Variants in STK24 observed in about 807,000 individuals in gnomAD.
STK24 encodes serine/threonine kinase 24.
In STK24, 21 loss-of-function variants were observed where a neutral mutation model predicts 55.6. The observed-to-expected ratio is 0.38, with a 90% CI of 0.27 to 0.54. The LOEUF (loss-of-function observed/expected upper bound fraction) is 0.54. Among genes scored for constraint, STK24 ranks in the 20% least tolerant of loss-of-function variants. The pLI is 0.79. For synonymous variants in STK24, 200 were observed against 215.2 expected, an observed-to-expected ratio of 0.93 and a Z score of 0.62; for missense variants, 383 against 538.4, an observed-to-expected ratio of 0.71 and a Z score of 2.86.
intron 1 of STK24, among the ~76,000 whole-genome samples, 158 bp from the exon 2 acceptor site, chr13:98,519,631 G>A (rs192413002): frequency 1.3e-5 from 2 of 152,152 alleles, no homozygotes; most frequent in Non-Finnish European, 2.9e-5. Flanking sequence ...CAGCTCTGCA[G>A]GTTCAGGACA....
At chr13:98,500,099 CAGAG>C (rs1895394287) in intron 2 of STK24, among the ~76,000 whole-genome samples, 1 of 152,228 alleles carries the variant, frequency 6.6e-6, no homozygotes, top group Admixed American at 6.5e-5. Flanking sequence ...CTGCATCACT[CAGAG>C]AGCTATTTAC....
In STK24 at chr13:98,448,205, A is replaced by G. The variant is rs116653715; in HGVS notation, c.*4968T>C. 2.9e-3 allele frequency: 4,579 copies of G among 1,594,828 alleles called. 108 individuals carry two copies. In the African/African-American group the frequency reaches 0.052, roughly 18 times the overall value. On this transcript the variant is annotated 3_prime_UTR_variant, in exon 11 of 11. Coordinates refer to ENST00000539966, the MANE Select transcript of STK24 (RefSeq NM_001032296.4). ...AGTGTCAGGAGTCCGTCCAAACAAA[A>G]GGTTGACTAACTGGCGTTCCCGTGT...
At chr13:98,468,024 C>T (rs1417463188) in intron 5 of STK24, among the ~76,000 whole-genome samples, 1 of 152,200 alleles carries the variant, frequency 6.6e-6, no homozygotes, top group Non-Finnish European at 1.5e-5. Context: ...GAATCGAATA[C>T]ATCTCTCACA....
chr13:98,485,124 G>A (rs1894756269), intron 2 of STK24, among the ~76,000 whole-genome samples: 1 of 152,224 alleles, frequency 6.6e-6, no homozygotes, highest in Admixed American at 6.5e-5. Context: ...ACCGCCCAGT[G>A]GGTTCACCTT....
chr13:98,553,998 G>C (rs1194273101), intron 1 of STK24, among the ~76,000 whole-genome samples: 1 of 151,398 alleles, frequency 6.6e-6, no homozygotes, highest in Non-Finnish European at 1.5e-5. Context: ...GGAGGTGGAG[G>C]CTGCAGTGAG....
At position 98,446,828 on chromosome 13, in the gene STK24, C is replaced by G; in HGVS notation, c.*6345G>C. 6.2e-7 allele frequency: 1 copy of G among 1,613,812 alleles called. No homozygotes were observed. The highest frequency in any genetic ancestry group is 1.7e-5 in the Admixed American group (1 of 59,998). On this transcript the variant is annotated 3_prime_UTR_variant, in exon 11 of 11. Coordinates refer to ENST00000539966, the MANE Select transcript of STK24 (RefSeq NM_001032296.4). Reference sequence around the variant, plus strand: ...GTACACGTTCGAAAGGTAGACACCCCCTTCCCACGCACAGGGCCCTGCAGA... The same window carrying G: ...GTACACGTTCGAAAGGTAGACACCCGCTTCCCACGCACAGGGCCCTGCAGA...
At chr13:98,469,545 A>T (rs9517316) in intron 5 of STK24, among the ~76,000 whole-genome samples, 6 of 116,222 alleles carry the variant, frequency 5.2e-5, no homozygotes, top group Non-Finnish European at 1.1e-4. Context: ...CCCCCCCCCC[A>T]AAAAAAAAAG....
chr13:98,448,081 CCTGGGT>C lies in STK24; in HGVS notation c.*5086_*5091del, dbSNP rs1892968320. The C allele has an allele frequency of 1.5e-6, 1 of 668,092 alleles. No homozygotes were observed. Among genetic ancestry groups the C allele is most frequent in the Admixed American group, 2.2e-5 (1 of 44,604 alleles). 41.4% of individuals were successfully genotyped at this position (668,092 alleles called of 1,614,324 possible). A position where few individuals can be genotyped will look rare whatever the true frequency, so the allele number is the denominator to read the frequency against. On this transcript the variant is annotated 3_prime_UTR_variant, in exon 11 of 11. Coordinates refer to ENST00000539966, the MANE Select transcript of STK24 (RefSeq NM_001032296.4). ...GGGTCTCCACTGTACCTCAGGAACG[CCTGGGT>C]GCTGGCTGTTCCCTTGCTCTTCTGC... is the stretch of plus-strand genomic sequence containing the variant.
chr13:98,448,381 T>C lies in STK24; in HGVS notation c.*4792A>G. ...GGAAGACGTTTCCTTTCTTCTGTATTAATGAAGCCTGGTAAAATTAACACC... is the reference window on the plus strand; with the variant it reads ...GGAAGACGTTTCCTTTCTTCTGTATCAATGAAGCCTGGTAAAATTAACACC... On this transcript the variant is annotated 3_prime_UTR_variant, in exon 11 of 11. Transcript: ENST00000539966. 2 of 1,258,910 alleles carry C rather than the reference T, an allele frequency of 1.6e-6. No individual in the cohort carries two copies. Among genetic ancestry groups the C allele is most frequent in the Non-Finnish European group, 2.3e-6 (2 of 858,504 alleles). The allele number at this position is 1,258,910 out of a possible 1,614,324, so 78.0% of individuals were successfully genotyped here.
intron 1 of STK24, among the ~76,000 whole-genome samples, chr13:98,556,561 A>G (rs1427419083): frequency 3.3e-5 from 5 of 152,234 alleles, no homozygotes; most frequent in African/African-American, 4.8e-5. Context: ...CACAATGAGT[A>G]TGTGCCCCAA....
chr13:98,564,743 T>C (rs1366337922), intron 1 of STK24, among the ~76,000 whole-genome samples: 2 of 152,104 alleles, frequency 1.3e-5, no homozygotes, highest in African/African-American at 2.4e-5. Flanking sequence ...GCACTCCTTA[T>C]GAAATAAGGT....
At chr13:98,539,327 T>C (rs1298830092) in intron 1 of STK24, among the ~76,000 whole-genome samples, 2 of 152,204 alleles carry the variant, frequency 1.3e-5, no homozygotes, top group African/African-American at 4.8e-5. Context: ...AGTACATCTA[T>C]TGGCACCATA....
intron 1 of STK24, among the ~76,000 whole-genome samples, chr13:98,560,829 C>T (rs777107275): frequency 2.0e-5 from 3 of 151,126 alleles, no homozygotes; most frequent in South Asian, 4.2e-4. Flanking sequence ...TGCAGTGAGC[C>T]GAGATCACGC....
chr13:98,447,996 G>A lies in STK24; in HGVS notation c.*5177C>T, dbSNP rs975886499. On this transcript the variant is annotated 3_prime_UTR_variant, in exon 11 of 11. Transcript: ENST00000539966. ...TCGCTCCTAACTGCTCCAATGGAGC[G>A]GGCAGTGTCACTGCAGCAAGGTACT... The A allele has an allele frequency of 8.7e-5, 49 of 562,146 alleles. No homozygotes were observed. The highest frequency in any genetic ancestry group is 4.7e-4 in the Middle Eastern group (1 of 2,118). The allele number at this position is 562,146 out of a possible 1,614,324, so 34.8% of individuals were successfully genotyped here. A position where few individuals can be genotyped will look rare whatever the true frequency, so the allele number is the denominator to read the frequency against.
chr13:98,567,619 T>C (rs866196798), intron 1 of STK24, among the ~76,000 whole-genome samples: 3 of 152,182 alleles, frequency 2.0e-5, no homozygotes, highest in Non-Finnish European at 1.5e-5. Context: ...TATACTGCTG[T>C]TTATTTACAG....
At chr13:98,534,856 G>A (rs1387251878) in intron 1 of STK24, among the ~76,000 whole-genome samples, 1 of 152,194 alleles carries the variant, frequency 6.6e-6, no homozygotes, top group African/African-American at 2.4e-5. Context: ...AATTTTCAGA[G>A]AGGCTGATTT....
At chr13:98,481,601 G>A (rs1894582132) in intron 3 of STK24, among the ~76,000 whole-genome samples, 1 of 152,220 alleles carries the variant, frequency 6.6e-6, no homozygotes. Flanking sequence ...ATGAAACGAT[G>A]AGATAACAGC....
chr13:98,558,023 C>T (rs1897320267), intron 1 of STK24, among the ~76,000 whole-genome samples: 1 of 152,186 alleles, frequency 6.6e-6, no homozygotes, highest in Non-Finnish European at 1.5e-5. Flanking sequence ...CCCTCCTCTG[C>T]GCTACTTCTG....
chr13:98,538,815 A>G (rs543311533), intron 1 of STK24, among the ~76,000 whole-genome samples: 3 of 151,788 alleles, frequency 2.0e-5, no homozygotes, highest in South Asian at 2.1e-4. Context: ...TCCTTCCCAC[A>G]CTCAGGCCCT....
Sources: allele counts gnomAD v4.1 joint callset (sites outside exome capture counted in the v4.1 genomes callset), GRCh38; gene constraint gnomAD v4.1.1; transcripts MANE v1.5; gene names NCBI Gene and HGNC (gene_info 2026-07-23, HGNC 2026-07-21).